The following EYA1 variants were observed in gnomAD, a reference collection of about 807,000 sequenced individuals.
EYA1 encodes EYA transcriptional coactivator and phosphatase 1, also known as protein phosphatase EYA1.
EYA1 carries 16 observed loss-of-function variants against 82.0 expected under a neutral mutation model. The ratio of observed to expected loss-of-function variants is 0.20; its 90% CI spans 0.13 to 0.30. EYA1 has a LOEUF of 0.30. EYA1 is among the 10% of genes least tolerant of loss of function. EYA1 has a pLI of 1.00. For synonymous variants in EYA1, 261 were observed against 264.4 expected, an observed-to-expected ratio of 0.99 and a Z score of 0.12; for missense variants, 633 against 730.7, an observed-to-expected ratio of 0.87 and a Z score of 1.54.
chr8:71,295,990 A>C (rs1355147445), intron 9 of EYA1, among the ~76,000 whole-genome samples: 3 of 152,036 alleles, frequency 2.0e-5, no homozygotes, highest in African/African-American at 7.2e-5. Context: ...GCAATAAATA[A>C]ATTAAAATCT....
chr8:71,269,080 C>T (rs900038959), intron 11 of EYA1, among the ~76,000 whole-genome samples: 2 of 152,124 alleles, frequency 1.3e-5, no homozygotes, highest in African/African-American at 4.8e-5. Context: ...ATGAAATCAT[C>T]AATATGCCAA....
At chr8:71,276,945 G>C (rs1342712955) in intron 9 of EYA1, among the ~76,000 whole-genome samples, 7 of 152,000 alleles carry the variant, frequency 4.6e-5, no homozygotes, top group Admixed American at 4.6e-4. Context: ...ACTTGGAGCT[G>C]CACATGTCGT....
At chr8:71,272,829 G>C (rs896900666) in intron 9 of EYA1, among the ~76,000 whole-genome samples, 11 of 152,086 alleles carry the variant, frequency 7.2e-5, no homozygotes, top group Non-Finnish European at 1.6e-4. Context: ...CCAGATTTCT[G>C]TACCAGATTT....
intron 11 of EYA1, among the ~76,000 whole-genome samples, chr8:71,266,139 A>G (rs1487490490): frequency 6.6e-6 from 1 of 152,338 alleles, no homozygotes; most frequent in Middle Eastern, 3.4e-3. Flanking sequence ...CTTCTCAAGT[A>G]TCTGGTTCCC....
chr8:71,280,715 C>T (rs142564473), intron 9 of EYA1, among the ~76,000 whole-genome samples: 117 of 152,190 alleles, frequency 7.7e-4, no homozygotes, highest in African/African-American at 2.2e-3. Context: ...GCTTTTTTTC[C>T]GATAAAAGGA....
At chr8:71,497,199 A>G (rs762874910) in intron 2 of EYA1, among the ~76,000 whole-genome samples, 3 of 152,346 alleles carry the variant, frequency 2.0e-5, no homozygotes, top group South Asian at 2.1e-4. Context: ...ATAACACTAA[A>G]GATAGCTGAT....
chr8:71,232,151 CA>C (rs1271497378), intron 12 of EYA1, among the ~76,000 whole-genome samples: 1 of 152,224 alleles, frequency 6.6e-6, no homozygotes, highest in African/African-American at 2.4e-5. Flanking sequence ...TTCAATTTCC[CA>C]CATGTGTAAA....
intron 2 of EYA1, among the ~76,000 whole-genome samples, chr8:71,411,923 T>C (rs1460415812): frequency 6.6e-6 from 1 of 150,982 alleles, no homozygotes; most frequent in Non-Finnish European, 1.5e-5. Flanking sequence ...TAAAGACACA[T>C]GCACACGTAT....
intron 3 of EYA1, among the ~76,000 whole-genome samples, chr8:71,349,521 T>A (rs1826096933): frequency 6.6e-6 from 1 of 152,256 alleles, no homozygotes; most frequent in South Asian, 2.1e-4. Flanking sequence ...CCATGTGCCT[T>A]TAAACTTCAT....
chr8:71,423,755 T>C (rs1831272164), intron 2 of EYA1, among the ~76,000 whole-genome samples: 1 of 152,180 alleles, frequency 6.6e-6, no homozygotes, highest in East Asian at 1.9e-4. Flanking sequence ...CACATTTTTT[T>C]CTTAAAATAG....
At chr8:71,490,642 G>C (rs367954286) in intron 2 of EYA1, among the ~76,000 whole-genome samples, 1 of 152,140 alleles carries the variant, frequency 6.6e-6, no homozygotes, top group East Asian at 1.9e-4. Flanking sequence ...TATTTAGGGA[G>C]CTTACAAGAT....
Position 71,199,373 on chromosome 8 carries a change from G to C in EYA1, c.1746C>G (p.Ala582=). Residue 582 remains alanine, a synonymous_variant, in exon 18 of 18, where the codon GCC becomes GCG. Coordinates refer to ENST00000340726, the MANE Select transcript of EYA1 (RefSeq NM_000503.6). Reference sequence around the variant, plus strand: ...ACTCCAGTTCCAAGGCATGGTGCAGGGCCATGAGGTCCGAGTGGCTGGAGA... The same window carrying C: ...ACTCCAGTTCCAAGGCATGGTGCAGCGCCATGAGGTCCGAGTGGCTGGAGA... The part of the protein sequence containing the change: ...WRISSHSDLM[A]LHHALELEYL 6.2e-7 allele frequency: 1 copy of C among 1,613,276 alleles called. No individual in the cohort carries two copies. Among genetic ancestry groups the C allele is most frequent in the South Asian group, 1.1e-5 (1 of 90,962 alleles).
intron 12 of EYA1, among the ~76,000 whole-genome samples, chr8:71,222,415 C>T (rs1262232981): frequency 6.6e-6 from 1 of 152,218 alleles, no homozygotes; most frequent in African/African-American, 2.4e-5. Flanking sequence ...ACGCATCCAG[C>T]CCGCTGTTCC....
chr8:71,311,380 G>A (rs540567760), intron 7 of EYA1, among the ~76,000 whole-genome samples: 6 of 152,252 alleles, frequency 3.9e-5, no homozygotes, highest in South Asian at 4.2e-4. Flanking sequence ...GTGCACACAC[G>A]CACAAACTCA....
At chr8:71,279,764 G>A (rs1233290521) in intron 9 of EYA1, among the ~76,000 whole-genome samples, 6 of 152,174 alleles carry the variant, frequency 3.9e-5, no homozygotes, top group Admixed American at 6.5e-5. Flanking sequence ...CCCATTGGAC[G>A]GTGTTGGTAC....
At chr8:71,457,349 G>A (rs1371525491) in intron 2 of EYA1, among the ~76,000 whole-genome samples, 2 of 152,200 alleles carry the variant, frequency 1.3e-5, no homozygotes, top group Admixed American at 1.3e-4. Flanking sequence ...GGAAGACAGT[G>A]TGGCGATTCC....
chr8:71,506,694 G>T (rs1812219121), intron 2 of EYA1, among the ~76,000 whole-genome samples: 1 of 152,040 alleles, frequency 6.6e-6, no homozygotes, highest in African/African-American at 2.4e-5. Context: ...CTTCCAAGTG[G>T]ATCAAGGATT....
rs1040530439 is a variant in EYA1 at position 71,299,045 on chromosome 8, A to G, written c.826+2T>C. ...CAGGACTAATAATATTCACATAATT[A>G]CCTGCTGTGGGATCTGTAACTGCTT... is the stretch of plus-strand genomic sequence containing the variant. On this transcript the variant is annotated splice_donor_variant, in intron 9 of 17. Transcript: ENST00000340726. LOFTEE classifies it high-confidence loss of function. The G allele has an allele frequency of 6.2e-7, 1 of 1,613,020 alleles. No individual in the cohort carries two copies. The highest frequency in any genetic ancestry group is 8.5e-7 in the Non-Finnish European group (1 of 1,179,086).
intron 1 of EYA1, among the ~76,000 whole-genome samples, chr8:71,358,559 A>G (rs1349052826): frequency 6.6e-6 from 1 of 152,206 alleles, no homozygotes; most frequent in Non-Finnish European, 1.5e-5. Context: ...ATCGTGGTCC[A>G]GGAAAAATAA....
Sources: allele counts gnomAD v4.1 joint callset (sites outside exome capture counted in the v4.1 genomes callset), GRCh38; gene constraint gnomAD v4.1.1; transcripts MANE v1.5; gene names NCBI Gene and HGNC (gene_info 2026-07-23, HGNC 2026-07-21).